GRID2: variants seen among roughly 807,000 people sequenced by gnomAD.
GRID2 encodes glutamate ionotropic receptor delta type subunit 2, also known as glutamate receptor ionotropic, delta-2.
GRID2 carries 33 observed loss-of-function variants against 114.8 expected under a neutral mutation model. That is an observed-to-expected ratio of 0.29 (90% CI 0.22 to 0.38). The LOEUF (loss-of-function observed/expected upper bound fraction) is 0.38, where lower values mean the gene tolerates loss of function less well. Ranked by LOEUF, GRID2 falls within the 10% of genes least tolerant of loss-of-function variation. GRID2 has a pLI of 1.00. For synonymous variants in GRID2, 505 were observed against 449.9 expected (o/e 1.12, Z -1.55); for missense variants, 1,184 against 1,257.7 (o/e 0.94, Z 0.89).
At position 93,604,032 on chromosome 4, in the gene GRID2, C is replaced by T. The variant is rs78425893; in HGVS notation, c.2194-22237C>T. 9.2e-4 allele frequency among the ~76,000 whole-genome samples: 140 copies of T among 152,334 alleles called. 2 individuals are homozygous for T. The East Asian group carries it at 0.026, about 29-fold the overall frequency. On this transcript the variant is annotated intron_variant, in intron 13 of 15. Coordinates refer to ENST00000282020, the MANE Select transcript of GRID2 (RefSeq NM_001510.4). ...TCTGCAGCCCATAGATCAAGAAGTA[C>T]TTTTGACTTTTAAATCTTATTATTT...
chr4:93,430,546 G>A (rs374017463), intron 10 of GRID2, among the ~76,000 whole-genome samples: 1 of 152,234 alleles, frequency 6.6e-6, no homozygotes, highest in African/African-American at 2.4e-5. Flanking sequence ...AAAGTGCTAT[G>A]GAGGGATGCA....
At chr4:92,693,525 C>T (rs1005707299) in intron 2 of GRID2, among the ~76,000 whole-genome samples, 2 of 152,170 alleles carry the variant, frequency 1.3e-5, no homozygotes, top group Admixed American at 6.5e-5. Flanking sequence ...TGCAGTTTGT[C>T]ACAAATTTTA....
At chr4:93,174,422 C>A (rs1008442301) in intron 4 of GRID2, among the ~76,000 whole-genome samples, 1 of 152,094 alleles carries the variant, frequency 6.6e-6, no homozygotes, top group African/African-American at 2.4e-5. Context: ...TCTGGAGATT[C>A]ATCTAAGTTG....
At chr4:93,439,689 C>G (rs1721442996) in intron 10 of GRID2, among the ~76,000 whole-genome samples, 1 of 152,018 alleles carries the variant, frequency 6.6e-6, no homozygotes, top group African/African-American at 2.4e-5. Context: ...GTAAGGAGAA[C>G]AGGTGTTAAT....
At chr4:92,811,512 A>G (rs1740661570) in intron 2 of GRID2, among the ~76,000 whole-genome samples, 1 of 152,088 alleles carries the variant, frequency 6.6e-6, no homozygotes. Flanking sequence ...TGTATATCAA[A>G]TCAGTCATTA....
intron 3 of GRID2, among the ~76,000 whole-genome samples, chr4:93,103,653 A>G (rs908928794): frequency 2.0e-5 from 3 of 151,978 alleles, no homozygotes; most frequent in African/African-American, 7.2e-5. Flanking sequence ...AGGCAAGCAG[A>G]GTTGACTAAG....
rs1356958434 is a variant in GRID2 at position 93,490,774 on chromosome 4, T to C, written c.1994T>C (p.Ile665Thr). 1.9e-6 allele frequency: 3 copies of C among 1,605,500 alleles called. No homozygotes were observed. In the Admixed American group the frequency reaches 5.1e-5, roughly 27 times the overall value. The change falls in exon 12 of 16, where the codon ATC (isoleucine) becomes ACC (threonine). Residue 665 changes from isoleucine to threonine, a missense_variant. Transcript: ENST00000282020. ...ACTATTACACGCATTGAAAGTTCCA[T>C]CCAGTAAGTAAACAATGTTTCCATT... is the stretch of plus-strand genomic sequence containing the variant. ...FLTITRIESS[I>T]QSLQDLSKQT...
chr4:93,050,095 TTATTG>T (rs1726544357), intron 2 of GRID2, among the ~76,000 whole-genome samples: 1 of 152,218 alleles, frequency 6.6e-6, no homozygotes, highest in African/African-American at 2.4e-5. Flanking sequence ...AAATATGTGT[TTATTG>T]TTTTCTGAAA....
intron 1 of GRID2, among the ~76,000 whole-genome samples, chr4:92,364,477 C>T (rs1398101263): frequency 6.6e-6 from 1 of 151,908 alleles, no homozygotes; most frequent in East Asian, 1.9e-4. Flanking sequence ...ATATCCAATA[C>T]AGAATAGTAT....
At chr4:92,756,175 A>G (rs561284090) in intron 2 of GRID2, among the ~76,000 whole-genome samples, 3 of 152,212 alleles carry the variant, frequency 2.0e-5, no homozygotes, top group East Asian at 1.9e-4. Context: ...GCTCCCATAT[A>G]TGAGTGAGCA....
intron 1 of GRID2, among the ~76,000 whole-genome samples, chr4:92,376,332 C>T (rs779751241): frequency 3.9e-5 from 6 of 152,022 alleles, no homozygotes; most frequent in South Asian, 2.1e-4. Context: ...TATTAAAACT[C>T]GAAAATGACC....
intron 2 of GRID2, among the ~76,000 whole-genome samples, chr4:92,735,453 T>C (rs1197366521): frequency 1.3e-5 from 2 of 152,096 alleles, no homozygotes; most frequent in African/African-American, 4.8e-5. Context: ...CCTGTAACCA[T>C]CTATTTTGGA....
chr4:92,309,379 A>G (rs1189529330), intron 1 of GRID2, among the ~76,000 whole-genome samples: 1 of 152,002 alleles, frequency 6.6e-6, no homozygotes, highest in Admixed American at 6.6e-5. Context: ...TTGGATCATC[A>G]TGATATTTTA....
intron 1 of GRID2, among the ~76,000 whole-genome samples, chr4:92,411,645 GT>G: frequency 1.1e-5 from 1 of 92,852 alleles, no homozygotes; most frequent in Non-Finnish European, 2.2e-5. Context: ...GTGTGTGTGT[GT>G]GTGTGTGTGT....
At chr4:93,692,744 A>C (rs1441036032) in intron 14 of GRID2, among the ~76,000 whole-genome samples, 1 of 152,164 alleles carries the variant, frequency 6.6e-6, no homozygotes, top group African/African-American at 2.4e-5. Flanking sequence ...CTAGCACAGT[A>C]ATGACGTACA....
intron 2 of GRID2, among the ~76,000 whole-genome samples, chr4:92,903,808 G>C (rs889868333): frequency 6.6e-6 from 1 of 151,908 alleles, no homozygotes; most frequent in Non-Finnish European, 1.5e-5. Context: ...CAAGGCATTA[G>C]AGATAAAATC....
chr4:93,236,050 T>G (rs549461617), intron 7 of GRID2, among the ~76,000 whole-genome samples: 47 of 152,244 alleles, frequency 3.1e-4, no homozygotes, highest in Non-Finnish European at 6.2e-4. Flanking sequence ...TGTGTGATTA[T>G]GAACAAGAAA....
At chr4:93,757,545 C>T (rs574209548) in intron 14 of GRID2, among the ~76,000 whole-genome samples, 39 of 152,348 alleles carry the variant, frequency 2.6e-4, no homozygotes, top group Admixed American at 2.4e-3. Flanking sequence ...GACCTTTGCA[C>T]GGTGCCTTCT....
Position 93,585,383 on chromosome 4 carries a change from C to T in GRID2, c.2194-40886C>T, listed in dbSNP as rs756516746. On this transcript the variant is annotated intron_variant, in intron 13 of 15. Transcript: ENST00000282020. The stretch of plus-strand genomic sequence containing the variant: ...TTAATTTTGCAGTTAGAATTGTGTA[C>T]GCTGAGTCAATTAAGATGTCTATGG... Among the ~76,000 whole-genome samples the T allele has an allele frequency of 3.9e-5, 6 of 152,036 alleles. No individual in the cohort carries two copies. The South Asian group carries it at 8.3e-4, about 21-fold the overall frequency.
Sources: allele counts gnomAD v4.1 joint callset (sites outside exome capture counted in the v4.1 genomes callset), GRCh38; gene constraint gnomAD v4.1.1; transcripts MANE v1.5; gene names NCBI Gene and HGNC (gene_info 2026-07-23, HGNC 2026-07-21).